Variants in IMMP2L observed in about 807,000 individuals in gnomAD.
IMMP2L encodes the protein inner mitochondrial membrane peptidase subunit 2, also known as mitochondrial inner membrane protease subunit 2.
IMMP2L carries 18 observed loss-of-function variants against 19.3 expected under a neutral mutation model. The ratio of observed to expected loss-of-function variants is 0.93; its 90% CI spans 0.64 to 1.38. The LOEUF is 1.38. IMMP2L is among the 40% of genes most tolerant of loss of function. The pLI is 0.00. For synonymous variants in IMMP2L, 76 were observed against 73.0 expected (o/e 1.04, Z -0.21); for missense variants, 233 against 218.2 (o/e 1.07, Z -0.43).
At chr7:110,672,920 CT>C (rs1293095223) in intron 5 of IMMP2L, among the ~76,000 whole-genome samples, 2 of 152,178 alleles carry the variant, frequency 1.3e-5, no homozygotes, top group Non-Finnish European at 2.9e-5. Flanking sequence ...ACAATGCAAG[CT>C]GTCAGTGGAT....
chr7:110,980,383 C>T (rs992936781), intron 3 of IMMP2L, among the ~76,000 whole-genome samples: 1 of 151,880 alleles, frequency 6.6e-6, no homozygotes, highest in South Asian at 2.1e-4. Flanking sequence ...CGCCCACCAC[C>T]ACGCCTGGCT....
At chr7:111,536,480 T>C (rs998355406) in intron 1 of IMMP2L, among the ~76,000 whole-genome samples, 1 of 152,020 alleles carries the variant, frequency 6.6e-6, no homozygotes, top group Non-Finnish European at 1.5e-5. Flanking sequence ...TAATTTTTTA[T>C]ATTTTTTGTA....
intron 3 of IMMP2L, among the ~76,000 whole-genome samples, chr7:111,396,271 A>G (rs779083631): frequency 1.3e-5 from 2 of 152,186 alleles, no homozygotes; most frequent in Non-Finnish European, 2.9e-5. Flanking sequence ...ATGCCCATCA[A>G]TGATAAACCG....
chr7:111,366,017 C>T (rs1385458031), intron 3 of IMMP2L, among the ~76,000 whole-genome samples: 1 of 152,044 alleles, frequency 6.6e-6, no homozygotes, highest in Non-Finnish European at 1.5e-5. Flanking sequence ...GGCACTGGTA[C>T]ATCATCATTT....
chr7:111,180,850 T>C (rs747175341), intron 3 of IMMP2L, among the ~76,000 whole-genome samples: 1 of 152,062 alleles, frequency 6.6e-6, no homozygotes, highest in Non-Finnish European at 1.5e-5. Context: ...TGACAGACTG[T>C]ATATTAGGTT....
At chr7:110,786,647 T>C (rs1373581936) in intron 5 of IMMP2L, among the ~76,000 whole-genome samples, 2 of 152,044 alleles carry the variant, frequency 1.3e-5, no homozygotes, top group African/African-American at 4.8e-5. Context: ...TATTACAGTA[T>C]GCAAATACAA....
chr7:111,114,619 C>T (rs1026087380), intron 3 of IMMP2L, among the ~76,000 whole-genome samples: 1 of 151,350 alleles, frequency 6.6e-6, no homozygotes, highest in Non-Finnish European at 1.5e-5. Flanking sequence ...GCCTGTAATC[C>T]CAGCCACTTG....
intron 1 of IMMP2L, among the ~76,000 whole-genome samples, chr7:111,547,285 T>A (rs1450990558): frequency 1.3e-5 from 2 of 152,204 alleles, no homozygotes; most frequent in Non-Finnish European, 2.9e-5. Context: ...TGTGCTGCTC[T>A]ACTTCCTTAA....
At chr7:111,198,622 A>G (rs1809755191) in intron 3 of IMMP2L, among the ~76,000 whole-genome samples, 1 of 152,168 alleles carries the variant, frequency 6.6e-6, no homozygotes, top group Non-Finnish European at 1.5e-5. Context: ...GCTTTGATTC[A>G]TGCTACTTCT....
At chr7:111,180,991 G>A (rs748260015) in intron 3 of IMMP2L, among the ~76,000 whole-genome samples, 11 of 151,948 alleles carry the variant, frequency 7.2e-5, no homozygotes, top group Admixed American at 2.0e-4. Context: ...TATAACCACC[G>A]AATATTATAC....
At chr7:110,921,996 T>TA (rs1487790479) in intron 4 of IMMP2L, among the ~76,000 whole-genome samples, 1 of 152,230 alleles carries the variant, frequency 6.6e-6, no homozygotes, top group Non-Finnish European at 1.5e-5. Context: ...CTGGAACTTG[T>TA]ATGCTTATTA....
At chr7:111,305,149 A>G (rs189705845) in intron 3 of IMMP2L, among the ~76,000 whole-genome samples, 262 of 152,136 alleles carry the variant, frequency 1.7e-3, no homozygotes, top group African/African-American at 6.2e-3. Context: ...TGCAAGGGTT[A>G]AGAAGAGTGG....
chr7:111,160,576 G>A (rs945751214), intron 3 of IMMP2L, among the ~76,000 whole-genome samples: 3 of 151,762 alleles, frequency 2.0e-5, no homozygotes, highest in African/African-American at 7.2e-5. Context: ...TCTGTTAAAA[G>A]TTTAATGACT....
chr7:110,998,412 A>G (rs1020943865), intron 3 of IMMP2L, among the ~76,000 whole-genome samples: 3 of 152,186 alleles, frequency 2.0e-5, no homozygotes, highest in Non-Finnish European at 4.4e-5. Context: ...TAGAATGAAG[A>G]GAAGATAGAG....
At chr7:111,496,276 T>C (rs767210323) in intron 2 of IMMP2L, among the ~76,000 whole-genome samples, 24 of 152,148 alleles carry the variant, frequency 1.6e-4, no homozygotes, top group Non-Finnish European at 3.1e-4. Context: ...CATAATAAAA[T>C]AGACTATAAT....
intron 3 of IMMP2L, among the ~76,000 whole-genome samples, chr7:111,139,312 A>T (rs185083868): frequency 8.5e-4 from 130 of 152,142 alleles, no homozygotes; most frequent in African/African-American, 3.1e-3. Flanking sequence ...ACTACAAAAA[A>T]CAGGTAACAA....
intron 5 of IMMP2L, among the ~76,000 whole-genome samples, chr7:110,717,030 G>T (rs970748209): frequency 6.6e-6 from 1 of 152,116 alleles, no homozygotes; most frequent in African/African-American, 2.4e-5. Context: ...AAGAATATGA[G>T]GAATAAGATA....
At chr7:111,407,863 T>C (rs1317415456) in intron 3 of IMMP2L, among the ~76,000 whole-genome samples, 1 of 152,026 alleles carries the variant, frequency 6.6e-6, no homozygotes, top group African/African-American at 2.4e-5. Flanking sequence ...GATTCTTAAA[T>C]TGACTAATAA....
chr7:111,507,553 C>T (rs1268822497), intron 2 of IMMP2L, among the ~76,000 whole-genome samples: 1 of 152,074 alleles, frequency 6.6e-6, no homozygotes, highest in Non-Finnish European at 1.5e-5. Context: ...AGTTGTTTGC[C>T]ATTTGTCCAG....
Sources: allele counts gnomAD v4.1 joint callset (sites outside exome capture counted in the v4.1 genomes callset), GRCh38; gene constraint gnomAD v4.1.1; transcripts MANE v1.5; gene names NCBI Gene and HGNC (gene_info 2026-07-23, HGNC 2026-07-21).